TXNRD2: variants seen among roughly 807,000 people sequenced by gnomAD.
TXNRD2 encodes the protein thioredoxin reductase 2.
In TXNRD2, 67 loss-of-function variants were observed where a neutral mutation model predicts 70.8. That is an observed-to-expected ratio of 0.95 (90% CI 0.78 to 1.16). The LOEUF (loss-of-function observed/expected upper bound fraction) is 1.16. Among genes scored for constraint, TXNRD2 ranks in the 50% most tolerant of loss-of-function variants. The probability of loss-of-function intolerance (pLI) is 0.00; values close to 1 mark genes in which losing one functional copy is unlikely to be tolerated. For synonymous variants in TXNRD2, 301 were observed against 295.8 expected, an observed-to-expected ratio of 1.02 and a Z score of -0.18; for missense variants, 644 against 719.9, an observed-to-expected ratio of 0.89 and a Z score of 1.21.
At position 19,892,311 on chromosome 22, in the gene TXNRD2, C is replaced by A. The variant is rs1033855466; in HGVS notation, c.949+3096G>T. ...AAGTGGCTCCTGAATGTTTACAAAA[C>A]CTGGCTCTGAGCAGCAGCGAAGTCA... On this transcript the variant is annotated intron_variant, in intron 11 of 17. Coordinates refer to ENST00000400521, the MANE Select transcript of TXNRD2 (RefSeq NM_006440.5). 5.9e-5 allele frequency among the ~76,000 whole-genome samples: 9 copies of A among 152,382 alleles called. No individual in the cohort carries two copies. In the East Asian group the frequency reaches 1.3e-3, roughly 23 times the overall value.
intron 8 of TXNRD2, among the ~76,000 whole-genome samples, chr22:19,900,356 C>T (rs1367877766): frequency 6.6e-6 from 1 of 152,170 alleles, no homozygotes; most frequent in Non-Finnish European, 1.5e-5. Context: ...CACATAGGCA[C>T]CACATACACA....
intron 8 of TXNRD2, chr22:19,903,047 G>C (rs1420706749): frequency 1.9e-6 from 1 of 518,522 alleles, no homozygotes; most frequent in Non-Finnish European, 3.8e-6. Flanking sequence ...GGAGCCCCAG[G>C]AGTGCGAGGA....
chr22:19,929,352 C>CAT (rs1417363121), intron 2 of TXNRD2, among the ~76,000 whole-genome samples: 1 of 149,842 alleles, frequency 6.7e-6, no homozygotes, highest in Non-Finnish European at 1.5e-5. Flanking sequence ...AAAATTAGGC[C>CAT]ATATACAGGT....
chr22:19,877,284 G>T lies in TXNRD2; in HGVS notation c.1446-50C>A, dbSNP rs199795736. ...AGGCGGGGTCAGCACAGGGAGGGGG[G>T]TCCACAGCATCCCACCCCCGGGAAG... On this transcript the variant is annotated intron_variant, in intron 16 of 17. Coordinates refer to ENST00000400521, the MANE Select transcript of TXNRD2 (RefSeq NM_006440.5). 4 of 1,521,804 alleles carry T rather than the reference G, an allele frequency of 2.6e-6. No homozygotes were observed. The East Asian group carries it at 6.9e-5, about 26-fold the overall frequency. The allele number at this position is 1,521,804 out of a possible 1,614,324, so 94.3% of individuals were successfully genotyped here. A position where few individuals can be genotyped will look rare whatever the true frequency, so the allele number is the denominator to read the frequency against.
intron 2 of TXNRD2, among the ~76,000 whole-genome samples, chr22:19,926,303 A>G (rs569767885): frequency 5.8e-4 from 89 of 152,294 alleles, no homozygotes; most frequent in Non-Finnish European, 3.2e-4. Context: ...CAGCCTGGCC[A>G]ACATGGTGAA....
chr22:19,898,671 C>T (rs1939632638), intron 9 of TXNRD2, among the ~76,000 whole-genome samples: 2 of 152,124 alleles, frequency 1.3e-5, no homozygotes, highest in African/African-American at 2.4e-5. Context: ...TGAGCCACCG[C>T]GCCCGGCCAG....
At chr22:19,899,110 C>T in intron 8 of TXNRD2, 42 bp from the exon 9 acceptor site, 1 of 1,605,862 alleles carries the variant, frequency 6.2e-7, no homozygotes, top group South Asian at 1.1e-5. Context: ...AAGCTGAGGC[C>T]CTTATTGACC....
intron 10 of TXNRD2, 130 bp from the exon 11 acceptor site, chr22:19,895,711 C>G (rs1272371327): frequency 9.9e-7 from 1 of 1,006,900 alleles, no homozygotes; most frequent in African/African-American, 1.6e-5. Context: ...GTGAGACACC[C>G]TGCCCCCTGC....
intron 5 of TXNRD2, among the ~76,000 whole-genome samples, chr22:19,917,499 A>G (rs1241747126): frequency 6.6e-6 from 1 of 152,170 alleles, no homozygotes; most frequent in Non-Finnish European, 1.5e-5. Context: ...GAGGAGAGCC[A>G]CCAGACCTCT....
chr22:19,909,902 C>T (rs866521485), intron 8 of TXNRD2, among the ~76,000 whole-genome samples: 4 of 95,116 alleles, frequency 4.2e-5, no homozygotes, highest in African/African-American at 1.3e-4. Context: ...CACACACACA[C>T]CACACACCCA....
chr22:19,929,614 G>A (rs545244750), intron 2 of TXNRD2, among the ~76,000 whole-genome samples: 1 of 152,288 alleles, frequency 6.6e-6, no homozygotes, highest in South Asian at 2.1e-4. Context: ...CAGCCCAACG[G>A]AGAGGCCTCA....
At chr22:19,918,722 A>G (rs774708855) in intron 4 of TXNRD2, 138 bp downstream of exon 4, 5 of 1,032,410 alleles carry the variant, frequency 4.8e-6, no homozygotes, top group African/African-American at 1.6e-5. Flanking sequence ...TGAGGCAGAC[A>G]GCGCAGAGTC....
rs1938733985 is a variant in TXNRD2 at position 19,880,703 on chromosome 22, C to G, written c.1101G>C (p.Leu367=). The G allele has an allele frequency of 6.2e-7, 1 of 1,612,496 alleles. No individual in the cohort carries two copies. The highest frequency in any genetic ancestry group is 8.5e-7 in the Non-Finnish European group (1 of 1,179,906). The change falls in exon 13 of 18, where the codon CTG becomes CTC. Residue 367 remains leucine, a synonymous_variant. Transcript: ENST00000400521. Reference sequence around the variant, plus strand: ...TCCCGGCCATGATCGCTATGGGTGTCAGCTCAGGCCGCCCCTTGGGGAAGG... The same window carrying G: ...TCCCGGCCATGATCGCTATGGGTGTGAGCTCAGGCCGCCCCTTGGGGAAGG... ...IGDVVEGRPE[L]TPIAIMAGRL...
intron 14 of TXNRD2, among the ~76,000 whole-genome samples, chr22:19,879,011 T>C (rs1397549568): frequency 3.9e-5 from 6 of 152,224 alleles, no homozygotes; most frequent in Non-Finnish European, 8.8e-5. Flanking sequence ...TATTAATTAA[T>C]GGAACTTCAG....
chr22:19,921,492 T>C (rs1940916038), intron 2 of TXNRD2, among the ~76,000 whole-genome samples: 1 of 151,020 alleles, frequency 6.6e-6, no homozygotes, highest in South Asian at 2.1e-4. Flanking sequence ...AGGGCCCAGA[T>C]TTACCCTCCC....
intron 8 of TXNRD2, among the ~76,000 whole-genome samples, chr22:19,909,858 A>AT (rs1940297858): frequency 3.6e-5 from 1 of 27,924 alleles, no homozygotes; most frequent in Non-Finnish European, 5.7e-5. Flanking sequence ...TCACACACAC[A>AT]CCACACACAC....
intron 11 of TXNRD2, among the ~76,000 whole-genome samples, chr22:19,887,033 T>C (rs1939063788): frequency 6.6e-6 from 1 of 152,264 alleles, no homozygotes; most frequent in South Asian, 2.1e-4. Flanking sequence ...CTCTCTGTCA[T>C]GCTGCTTTAA....
rs768078454 is a variant in TXNRD2, at chr22:19,899,059, G to A, written c.672C>T (p.Val224=). The change falls in exon 9 of 18, where the codon GTC becomes GTT. Residue 224 remains valine, a synonymous_variant. Transcript: ENST00000400521. ...LKESPGKTLV[V]GASYVALECA... ...GCTTGCAAAGGATACAGCTGGCCCC[G>A]ACCACCAACCTGTTAGAGAAACAGA... 24 of 1,606,868 alleles carry A rather than the reference G, an allele frequency of 1.5e-5. No homozygotes were observed. Among genetic ancestry groups the A allele is most frequent in the Middle Eastern group, 3.3e-4 (2 of 6,084 alleles).
chr22:19,935,166 C>A (rs554481539), intron 1 of TXNRD2, among the ~76,000 whole-genome samples: 1 of 152,198 alleles, frequency 6.6e-6, no homozygotes, highest in East Asian at 1.9e-4. Flanking sequence ...GGAGAGATAT[C>A]GCTAAATTCT....
Sources: gnomAD v4.1 joint callset for allele counts (sites outside exome capture counted in the v4.1 genomes callset) on GRCh38, gnomAD v4.1.1 for gene constraint, MANE v1.5 for transcripts, NCBI Gene and HGNC (gene_info 2026-07-23, HGNC 2026-07-21) for gene names.